The following LILRA4 variants were observed in gnomAD, a reference collection of about 807,000 sequenced individuals.
LILRA4 encodes the protein leukocyte immunoglobulin-like receptor subfamily A member 4.
In LILRA4, 51 loss-of-function variants were observed where a neutral mutation model predicts 49.5. The ratio of observed to expected loss-of-function variants is 1.03; its 90% CI spans 0.82 to 1.30. LILRA4 has a LOEUF of 1.30. LILRA4 is among the 50% of genes most tolerant of loss of function. The pLI, the probability that LILRA4 is intolerant of heterozygous loss-of-function variation, is 0.00. For missense variants in LILRA4, 624 were observed against 625.6 expected (o/e 1.00, Z 0.03); for synonymous variants, 272 against 265.6 (o/e 1.02, Z -0.23).
chr19:54,337,443 G>C lies in LILRA4; in HGVS notation c.909C>G (p.Ser303=). 6.2e-7 allele frequency: 1 copy of C among 1,611,884 alleles called. No homozygotes were observed. The highest frequency in any genetic ancestry group is 8.5e-7 in the Non-Finnish European group (1 of 1,179,848). Residue 303 remains serine (S), a synonymous_variant, in exon 5 of 8, where the codon TCC becomes TCG. Transcript: ENST00000291759. ...GGGGGTCACTGGGGGCCGACCACTC[G>C]GAGGAGACGTTGTGTGCGCCGTAGC... The part of the protein sequence containing the change: ...YRCYGAHNVS[S]EWSAPSDPLD...
chr19:54,336,184 C>G (rs1392913414), intron 6 of LILRA4: 1 of 153,030 alleles, frequency 6.5e-6, no homozygotes, highest in Non-Finnish European at 1.5e-5. Context: ...CTCAGAGCCC[C>G]AGGAAGCCAC....
chr19:54,338,344 C>A, intron 3 of LILRA4, 52 bp downstream of exon 3: 2 of 1,608,356 alleles, frequency 1.2e-6, no homozygotes, highest in South Asian at 1.1e-5. Context: ...TGAGAGCCGA[C>A]CCCCTTCCCG....
Position 54,338,906 on chromosome 19 carries a change from A to G in LILRA4, c.35-5T>C. 1.2e-6 allele frequency: 2 copies of G among 1,614,108 alleles called. No homozygotes were observed. Among genetic ancestry groups the G allele is most frequent in the South Asian group, 1.1e-5 (1 of 91,082 alleles). ...TCCTGGGGCCCAGGCTCAGCCCTGG[A>G]AGAGAGTTCCCTGTGAGAGATTTGC... is the stretch of plus-strand genomic sequence containing the variant. On this transcript the variant is annotated splice_region_variant and splice_polypyrimidine_tract_variant and intron_variant, in intron 1 of 7. Coordinates refer to ENST00000291759, the MANE Select transcript of LILRA4 (RefSeq NM_012276.5).
Position 54,333,471 on chromosome 19 carries a change from C to T in LILRA4, c.*101G>A. ...TGGAGGAAGCATCTTCTACAGACAC[C>T]CAGACATCTTCCTGCACCTGACCCA... On this transcript the variant is annotated 3_prime_UTR_variant, in exon 8 of 8. Coordinates refer to ENST00000291759, the MANE Select transcript of LILRA4 (RefSeq NM_012276.5). 1 of 1,156,734 alleles carries T rather than the reference C, an allele frequency of 8.6e-7. No homozygotes were observed. Among genetic ancestry groups the T allele is most frequent in the Non-Finnish European group, 1.3e-6 (1 of 785,732 alleles). 71.7% of individuals were successfully genotyped at this position (1,156,734 alleles called of 1,614,324 possible).
chr19:54,338,829 A>G (rs372227072), intron 2 of LILRA4, 37 bp downstream of exon 2: 2 of 1,613,022 alleles, frequency 1.2e-6, no homozygotes, highest in African/African-American at 1.3e-5. Context: ...GTCCCCAGAG[A>G]GGAGGAGGGA....
rs201971454 is a variant in LILRA4, at chr19:54,333,641, G to T, written c.1431C>A (p.Cys477Ter). Reference protein sequence around the residue: ...AQHSQRSPPRCSQEANSRKDN... With the variant: ...AQHSQRSPPR ...CCTTTCTGCTGTTTGCCTCCTGGCT[G>T]CACCTTGGGGGGCTTCTCTGGCTGT... is the stretch of plus-strand genomic sequence containing the variant. The change falls in exon 8 of 8, where the codon TGC (cysteine) becomes TGA (stop). Residue 477 changes from cysteine to a stop codon, truncating the protein, a stop_gained. Transcript: ENST00000291759. LOFTEE classifies it low-confidence loss of function (END_TRUNC). 21 of 1,614,132 alleles carry T rather than the reference G, an allele frequency of 1.3e-5. 1 individual carries two copies. In the East Asian group the frequency reaches 2.7e-4, roughly 21 times the overall value.
intron 4 of LILRA4, 66 bp downstream of exon 4, chr19:54,337,870 G>A: frequency 6.5e-7 from 1 of 1,530,732 alleles, no homozygotes. Flanking sequence ...CTAGCCCGAG[G>A]GTAAGGCTCC....
intron 6 of LILRA4, chr19:54,336,005 C>G (rs2081319138): frequency 6.6e-6 from 1 of 152,136 alleles, no homozygotes; most frequent in Admixed American, 6.5e-5. Context: ...TCAGCCCCAG[C>G]ATCTTCCCCT....
Position 54,333,673 on chromosome 19 carries a change from C to A in LILRA4, c.1399G>T (p.Ala467Ser), listed in dbSNP as rs1476224908. 6.2e-7 allele frequency: 1 copy of A among 1,614,086 alleles called. No homozygotes were observed. The highest frequency in any genetic ancestry group is 8.5e-7 in the Non-Finnish European group (1 of 1,180,010). The change falls in exon 8 of 8, where the codon GCT becomes TCT. Residue 467 changes from alanine to serine, a missense_variant. Ala to Ser is a moderately conservative substitution (Grantham distance 99, BLOSUM62 1). Transcript: ENST00000291759. ...LLFLGILLFE[A>S]QHSQRSPPRC... ...GGGGGGCTTCTCTGGCTGTGCTGAG[C>A]CTCAAATAACAGAATCCCGAGGAAC...
Position 54,338,921 on chromosome 19 carries a change from G to C in LILRA4, c.35-20C>G. The C allele has an allele frequency of 6.2e-6, 10 of 1,614,146 alleles. No homozygotes were observed. Among genetic ancestry groups the C allele is most frequent in the Non-Finnish European group, 8.5e-6 (10 of 1,180,004 alleles). On this transcript the variant is annotated intron_variant, in intron 1 of 7. Coordinates refer to ENST00000291759, the MANE Select transcript of LILRA4 (RefSeq NM_012276.5). ...TCAGCCCTGGAAGAGAGTTCCCTGT[G>C]AGAGATTTGCCTCCGAAGCCTGAGC...
In LILRA4 at chr19:54,337,970, C is replaced by T. The variant is rs199894558; in HGVS notation, c.621G>A (p.Ser207=). 6.1e-5 allele frequency: 98 copies of T among 1,613,126 alleles called. No homozygotes were observed. The East Asian group carries it at 1.8e-3, about 30-fold the overall frequency. The change falls in exon 4 of 8, where the codon TCG becomes TCA. Residue 207 remains serine, a synonymous_variant. Transcript: ENST00000291759. Reference sequence around the variant, plus strand: ...GTAGCTGCAGGGGGTCACTGGGTTCCGACCACACGTATGGGGTGTTGTTTT... The same window carrying T: ...GTAGCTGCAGGGGGTCACTGGGTTCTGACCACACGTATGGGGTGTTGTTTT... The part of the protein sequence containing the change: ...GYENNTPYVW[S]EPSDPLQLLV...
chr19:54,339,122 G>A lies in LILRA4; in HGVS notation c.-29C>T. 3 of 1,614,040 alleles carry A rather than the reference G, an allele frequency of 1.9e-6. No homozygotes were observed. Among genetic ancestry groups the A allele is most frequent in the Non-Finnish European group, 2.5e-6 (3 of 1,179,890 alleles). On this transcript the variant is annotated 5_prime_UTR_variant, in exon 1 of 8. Coordinates refer to ENST00000291759, the MANE Select transcript of LILRA4 (RefSeq NM_012276.5). ...ATCTCCTCCTCCTGGCCCTGGCTGTGCAGGCAGGTGTGGCCACGGTGCCCG... is the reference window on the plus strand; with the variant it reads ...ATCTCCTCCTCCTGGCCCTGGCTGTACAGGCAGGTGTGGCCACGGTGCCCG...
At position 54,337,556 on chromosome 19, in the gene LILRA4, G is replaced by A. The variant is rs555202323; in HGVS notation, c.796C>T (p.Arg266Cys). 10 of 1,613,418 alleles carry A rather than the reference G, an allele frequency of 6.2e-6. No homozygotes were observed. The highest frequency in any genetic ancestry group is 4.0e-5 in the African/African-American group (3 of 75,022). The change falls in exon 5 of 8, where the codon CGC becomes TGC. Residue 266 changes from arginine to cysteine, a missense_variant. Transcript: ENST00000291759. ...YKEGADGLPQRPGRQPQAGLS... is the reference protein window; with the variant it reads ...YKEGADGLPQCPGRQPQAGLS... ...CCAGCCTGGGGCTGCCGGCCAGGGCGCTGGGGGAGGCCATCGGCCCCCTCC... is the reference window on the plus strand; with the variant it reads ...CCAGCCTGGGGCTGCCGGCCAGGGCACTGGGGGAGGCCATCGGCCCCCTCC...
rs74869671 is a variant in LILRA4, at chr19:54,336,873, T to A, written c.1223A>T (p.His408Leu). The change falls in exon 6 of 8, where the codon CAC (histidine) becomes CTC (leucine). Residue 408 changes from histidine (H) to leucine (L), a missense_variant. Coordinates refer to ENST00000291759, the MANE Select transcript of LILRA4 (RefSeq NM_012276.5). ...SRSSNPYLLS[H>L]PSEPLELVVS... Reference sequence around the variant, plus strand: ...CACGAGCTCCAGGGGCTCACTGGGGTGAGACAGCAGGTAGGGGTTGGAGCT... The same window carrying A: ...CACGAGCTCCAGGGGCTCACTGGGGAGAGACAGCAGGTAGGGGTTGGAGCT... The A allele has an allele frequency of 1.0e-3, 1,684 of 1,612,916 alleles. 1 individual carries two copies. The highest frequency in any genetic ancestry group is 8.8e-3 in the South Asian group (796 of 90,872).
At position 54,337,058 on chromosome 19, in the gene LILRA4, T is replaced by C. The variant is rs1207482606; in HGVS notation, c.1038A>G (p.Ser346=). 6 of 1,613,882 alleles carry C rather than the reference T, an allele frequency of 3.7e-6. No homozygotes were observed. In the African/African-American group the frequency reaches 6.7e-5, roughly 18 times the overall value. Residue 346 remains serine, a synonymous_variant, in exon 6 of 8, where the codon TCA becomes TCG. Transcript: ENST00000291759. The part of the protein sequence containing the change: ...SGEKVTLLCQ[S]WDPMFTFLLT... ...GAAGGAAAGTGAACATCGGGTCCCATGACTGACACAGCAGGGTCACCTTCT... is the reference window on the plus strand; with the variant it reads ...GAAGGAAAGTGAACATCGGGTCCCACGACTGACACAGCAGGGTCACCTTCT...
intron 6 of LILRA4, chr19:54,335,078 T>A (rs958377190): frequency 6.6e-6 from 1 of 152,172 alleles, no homozygotes; most frequent in South Asian, 2.1e-4. Flanking sequence ...CTTGAATATA[T>A]GTTTGTGTCT....
At chr19:54,336,481 C>A in intron 6 of LILRA4, 1 of 371,384 alleles carries the variant, frequency 2.7e-6, no homozygotes, top group Non-Finnish European at 4.9e-6. Context: ...CCTCTCCACT[C>A]TTTACCCTAC....
chr19:54,334,425 C>T (rs7253755), intron 6 of LILRA4: 26,059 of 162,044 alleles, frequency 0.16, 2,284 homozygotes, highest in Admixed American at 0.21. Flanking sequence ...GAGGCTGCAA[C>T]GGCCCCCACT....
Position 54,338,509 on chromosome 19 carries a change from A to T in LILRA4, c.242T>A (p.Val81Asp). The T allele has an allele frequency of 6.2e-7, 1 of 1,614,016 alleles. No individual in the cohort carries two copies. Among genetic ancestry groups the T allele is most frequent in the East Asian group, 2.2e-5 (1 of 44,876 alleles). Residue 81 changes from valine (V) to aspartate (D), a missense_variant, in exon 3 of 8, where the codon GTC becomes GAC. Physicochemically the swap from Val to Asp is radical, Grantham distance 152. Transcript: ENST00000291759. ...ILKTLESENK[V>D]KLSIPSMMWE... ...CATCATGGATGGGATGGAGAGTTTG[A>T]CCTTGTTTTCAGACTCCAGTGTTTT...
Sources: gnomAD v4.1 joint callset for allele counts on GRCh38, gnomAD v4.1.1 for gene constraint, MANE v1.5 for transcripts, NCBI Gene and HGNC (gene_info 2026-07-23, HGNC 2026-07-21) for gene names.